Variants in SRRM3 observed in about 807,000 individuals in gnomAD.
SRRM3 encodes the protein serine/arginine repetitive matrix protein 3.
SRRM3 carries 27 observed loss-of-function variants against 66.2 expected under a neutral mutation model. The ratio of observed to expected loss-of-function variants is 0.41; its 90% CI spans 0.30 to 0.56. SRRM3 has a LOEUF of 0.56. SRRM3 is among the 20% of genes least tolerant of loss of function. The pLI, the probability that SRRM3 is intolerant of heterozygous loss-of-function variation, is 0.32. For synonymous variants in SRRM3, 391 were observed against 414.9 expected (o/e 0.94, Z 0.70); for missense variants, 918 against 991.9 (o/e 0.93, Z 1.00).
At chr7:76,232,643 G>A (rs1196483323) in intron 1 of SRRM3, among the ~76,000 whole-genome samples, 1 of 152,044 alleles carries the variant, frequency 6.6e-6, no homozygotes, top group African/African-American at 2.4e-5. Context: ...AGGTGATAAT[G>A]CCTATGAGCG....
chr7:76,216,376 G>T (rs1800572418), intron 1 of SRRM3, among the ~76,000 whole-genome samples: 1 of 152,142 alleles, frequency 6.6e-6, no homozygotes, highest in Non-Finnish European at 1.5e-5. Context: ...GGTTCAAGCA[G>T]TCTTCCCACC....
At chr7:76,262,679 G>A (rs1801911342) in intron 8 of SRRM3, among the ~76,000 whole-genome samples, 1 of 152,030 alleles carries the variant, frequency 6.6e-6, no homozygotes, top group Non-Finnish European at 1.5e-5. Flanking sequence ...ATCTGGGCAT[G>A]GTGGCGGGTG....
At chr7:76,253,506 C>T (rs74486204) in intron 3 of SRRM3, among the ~76,000 whole-genome samples, 3 of 151,268 alleles carry the variant, frequency 2.0e-5, no homozygotes, top group Admixed American at 1.3e-4. Flanking sequence ...CTGTAGTCTC[C>T]GCTACTCGGG....
chr7:76,211,205 CTT>C (rs1307369126), intron 1 of SRRM3, among the ~76,000 whole-genome samples: 3 of 152,190 alleles, frequency 2.0e-5, no homozygotes, highest in Non-Finnish European at 4.4e-5. Context: ...ACCTGGTTGA[CTT>C]TGGTTAACTT....
chr7:76,269,138 G>C (rs1554610181), intron 11 of SRRM3: 1 of 152,344 alleles, frequency 6.6e-6, no homozygotes, highest in African/African-American at 2.4e-5. Flanking sequence ...GGATAGGGCA[G>C]TCGGGGAAGG....
chr7:76,249,989 C>T (rs1380430917), intron 3 of SRRM3, among the ~76,000 whole-genome samples: 1 of 152,040 alleles, frequency 6.6e-6, no homozygotes, highest in Non-Finnish European at 1.5e-5. Flanking sequence ...ATCCCAGCAG[C>T]ACCTTCTGAG....
intron 3 of SRRM3, among the ~76,000 whole-genome samples, chr7:76,259,593 A>T (rs1433627144): frequency 6.6e-6 from 1 of 151,864 alleles, no homozygotes; most frequent in African/African-American, 2.4e-5. Flanking sequence ...TAAAAAAAAA[A>T]AAAAGAGGAG....
chr7:76,254,182 T>C (rs1264392418), intron 3 of SRRM3, among the ~76,000 whole-genome samples: 1 of 151,722 alleles, frequency 6.6e-6, no homozygotes, highest in Non-Finnish European at 1.5e-5. Context: ...GTTTTTTGTT[T>C]TTTGGGTTTT....
In SRRM3 at chr7:76,265,975, TCTC is replaced by T. The variant is rs1430527901; in HGVS notation, c.830+510_830+512del. On this transcript the variant is annotated intron_variant, in intron 10 of 14. Coordinates refer to ENST00000611745, the MANE Select transcript of SRRM3 (RefSeq NM_001110199.3). Reference sequence around the variant, plus strand: ...GCTCCGCCTCCCGGGTTCACGCTATTCTCCTGCCTCAGCCTCCCAAGTAGCTGG... The same window carrying T: ...GCTCCGCCTCCCGGGTTCACGCTATTCTGCCTCAGCCTCCCAAGTAGCTGG... Among the ~76,000 whole-genome samples the T allele has an allele frequency of 3.8e-4, 27 of 71,484 alleles. 1 individual carries two copies. The highest frequency in any genetic ancestry group is 5.5e-4 in the Non-Finnish European group (26 of 47,522). The allele number at this position is 71,484 out of a possible 152,430, so 46.9% of individuals were successfully genotyped here.
At chr7:76,203,893 T>C (rs192468850) in intron 1 of SRRM3, among the ~76,000 whole-genome samples, 2,518 of 152,194 alleles carry the variant, frequency 0.017, 35 homozygotes, top group Non-Finnish European at 0.023. Flanking sequence ...CTGAGGCAGG[T>C]GGGTGAGGGC....
intron 14 of SRRM3, 28 bp downstream of exon 14, chr7:76,283,129 G>T: frequency 7.2e-7 from 1 of 1,390,554 alleles, no homozygotes; most frequent in Non-Finnish European, 9.3e-7. Context: ...GGGGCCGGTG[G>T]CGCAGGGCTG....
At chr7:76,252,578 C>G (rs888433078) in intron 3 of SRRM3, among the ~76,000 whole-genome samples, 5 of 151,764 alleles carry the variant, frequency 3.3e-5, no homozygotes, top group Admixed American at 1.3e-4. Context: ...CACCTTGGCC[C>G]AAAGTGCTGA....
intron 12 of SRRM3, 72 bp from the exon 13 acceptor site, chr7:76,282,576 A>AG: frequency 3.9e-5 from 4 of 103,840 alleles, no homozygotes; most frequent in Non-Finnish European, 5.8e-5. Flanking sequence ...GCCCCGCCCC[A>AG]GGGAACCCTC....
chr7:76,282,870 C>T lies in SRRM3; in HGVS notation c.1593C>T (p.Ser531=). ...SRSPSPKKPL[S]RDKDGEGRAR... ...CGCCGTCGCCCAAGAAGCCCCTCAG[C>T]CGGTGAGTGCCCGCCCGGACCGGGC... is the stretch of plus-strand genomic sequence containing the variant. The change falls in exon 13 of 15, where the codon AGC becomes AGT. Residue 531 remains serine, a splice_region_variant and synonymous_variant. Coordinates refer to ENST00000611745, the MANE Select transcript of SRRM3 (RefSeq NM_001110199.3). 2 of 1,434,112 alleles carry T rather than the reference C, an allele frequency of 1.4e-6. No homozygotes were observed. Among genetic ancestry groups the T allele is most frequent in the South Asian group, 1.4e-5 (1 of 72,466 alleles). The allele number at this position is 1,434,112 out of a possible 1,614,324, so 88.8% of individuals were successfully genotyped here. A position where few individuals can be genotyped will look rare whatever the true frequency, so the allele number is the denominator to read the frequency against.
intron 1 of SRRM3, among the ~76,000 whole-genome samples, chr7:76,212,464 CTTTTTTTTTTTT>C (rs1173761653): frequency 1.0e-5 from 1 of 98,082 alleles, no homozygotes; most frequent in Non-Finnish European, 2.0e-5. Context: ...GCAAGGTCTG[CTTTTTTTTTTTT>C]TTTTTTTTTT....
chr7:76,250,283 GT>G (rs1387640965), intron 3 of SRRM3, among the ~76,000 whole-genome samples: 1 of 151,988 alleles, frequency 6.6e-6, no homozygotes, highest in African/African-American at 2.4e-5. Context: ...TCAGGCTGGA[GT>G]GCAGTGGTGT....
chr7:76,248,302 C>T lies in SRRM3; in HGVS notation c.335+13C>T, dbSNP rs1385022385. On this transcript the variant is annotated intron_variant, in intron 3 of 14. Coordinates refer to ENST00000611745, the MANE Select transcript of SRRM3 (RefSeq NM_001110199.3). ...CTGGGGGCCACATGTGAGTGCTTAC[C>T]TGTGTGGGGATGAGGGAGAGGGGGT... 1 of 1,599,046 alleles carries T rather than the reference C, an allele frequency of 6.3e-7. No homozygotes were observed. Among genetic ancestry groups the T allele is most frequent in the African/African-American group, 1.3e-5 (1 of 74,748 alleles).
chr7:76,223,761 C>T (rs1800780348), intron 1 of SRRM3, among the ~76,000 whole-genome samples: 1 of 152,034 alleles, frequency 6.6e-6, no homozygotes, highest in African/African-American at 2.4e-5. Context: ...TCATAAATTC[C>T]ATTCCACTGT....
intron 9 of SRRM3, among the ~76,000 whole-genome samples, chr7:76,265,099 A>AG (rs1332556232): frequency 8.6e-5 from 13 of 152,016 alleles, no homozygotes; most frequent in African/African-American, 2.9e-4. Flanking sequence ...CTGAGGGCTG[A>AG]GGGGGGTCTT....
Sources: gnomAD v4.1 joint callset for allele counts (sites outside exome capture counted in the v4.1 genomes callset) on GRCh38, gnomAD v4.1.1 for gene constraint, MANE v1.5 for transcripts, NCBI Gene and HGNC (gene_info 2026-07-23, HGNC 2026-07-21) for gene names.